The following ITFG1 variants were observed in gnomAD, a reference collection of about 807,000 sequenced individuals.
The protein encoded by ITFG1 is integrin alpha FG-GAP repeat containing 1, also known as T-cell immunomodulatory protein.
In ITFG1, 34 loss-of-function variants were observed where a neutral mutation model predicts 81.8. That is an observed-to-expected ratio of 0.42 (90% confidence interval 0.32 to 0.55). The LOEUF is 0.55. Among genes scored for constraint, ITFG1 ranks in the 20% least tolerant of loss-of-function variants. ITFG1 has a pLI of 0.17. For missense variants in ITFG1, 672 were observed against 755.4 expected (o/e 0.89, Z 1.29); for synonymous variants, 285 against 270.6 (o/e 1.05, Z -0.52).
intron 14 of ITFG1, among the ~76,000 whole-genome samples, chr16:47,169,644 T>C (rs1010879118): frequency 1.3e-5 from 2 of 152,180 alleles, no homozygotes; most frequent in African/African-American, 4.8e-5. Flanking sequence ...AGAAATCATT[T>C]TGCATGTTCC....
intron 10 of ITFG1, among the ~76,000 whole-genome samples, chr16:47,276,022 C>T (rs1966394101): frequency 6.6e-6 from 1 of 151,984 alleles, no homozygotes; most frequent in Admixed American, 6.6e-5. Flanking sequence ...CCAAATAACA[C>T]CATGACTACT....
chr16:47,219,508 T>G (rs1229357930), intron 13 of ITFG1, among the ~76,000 whole-genome samples: 4 of 152,190 alleles, frequency 2.6e-5, no homozygotes, highest in African/African-American at 9.6e-5. Context: ...GGAACATTCC[T>G]CAAACCTTGA....
chr16:47,407,151 A>C (rs1457164274), intron 6 of ITFG1, among the ~76,000 whole-genome samples: 1 of 152,222 alleles, frequency 6.6e-6, no homozygotes, highest in African/African-American at 2.4e-5. Context: ...TTTATAACGG[A>C]TAATGGGAGA....
chr16:47,241,487 C>A (rs780139812), intron 12 of ITFG1, among the ~76,000 whole-genome samples: 1 of 152,132 alleles, frequency 6.6e-6, no homozygotes, highest in South Asian at 2.1e-4. Context: ...AAAGTACTGA[C>A]GCATATTATA....
chr16:47,365,758 CCT>C, intron 8 of ITFG1, 28 bp downstream of exon 8: 8 of 1,098,010 alleles, frequency 7.3e-6, no homozygotes, highest in South Asian at 4.0e-5. Context: ...AAGGCAAAAG[CCT>C]TTTTTTTTTT....
chr16:47,292,134 C>T (rs923068541), intron 10 of ITFG1, among the ~76,000 whole-genome samples: 1 of 152,082 alleles, frequency 6.6e-6, no homozygotes, highest in Non-Finnish European at 1.5e-5. Flanking sequence ...CTGCCTCAGC[C>T]TCCCAAGTTG....
At chr16:47,445,091 A>G (rs1969306452) in intron 5 of ITFG1, among the ~76,000 whole-genome samples, 1 of 149,248 alleles carries the variant, frequency 6.7e-6, no homozygotes, top group Non-Finnish European at 1.5e-5. Flanking sequence ...TGCAAGCTTC[A>G]TGTTAAGAGA....
At chr16:47,260,743 T>C (rs751652515) in intron 10 of ITFG1, 48 bp from the exon 11 acceptor site, 1 of 1,581,540 alleles carries the variant, frequency 6.3e-7, no homozygotes, top group Non-Finnish European at 8.7e-7. Flanking sequence ...ATCAACACTG[T>C]GGCATCGGCT....
chr16:47,298,287 A>T (rs1967015294), intron 10 of ITFG1, among the ~76,000 whole-genome samples: 1 of 152,134 alleles, frequency 6.6e-6, no homozygotes, highest in African/African-American at 2.4e-5. Flanking sequence ...GATTCTTTAC[A>T]ATCAATAATT....
At chr16:47,333,795 T>C (rs1051888063) in intron 8 of ITFG1, among the ~76,000 whole-genome samples, 1 of 152,204 alleles carries the variant, frequency 6.6e-6, no homozygotes, top group Non-Finnish European at 1.5e-5. Context: ...TCTTTTTACC[T>C]TGCTCTTCAA....
chr16:47,389,361 G>T (rs1046319170), intron 6 of ITFG1, among the ~76,000 whole-genome samples: 1 of 152,014 alleles, frequency 6.6e-6, no homozygotes, highest in African/African-American at 2.4e-5. Flanking sequence ...GTATATAATT[G>T]TATCACTAGG....
intron 6 of ITFG1, among the ~76,000 whole-genome samples, chr16:47,428,115 G>A (rs998394450): frequency 7.9e-5 from 12 of 152,264 alleles, no homozygotes; most frequent in South Asian, 2.1e-4. Context: ...TCCAGCCTGC[G>A]GAACAGAGTG....
chr16:47,297,903 G>T lies in ITFG1; in HGVS notation c.1070+13337C>A, dbSNP rs559898013. ...TTTGCAAGACTAGGGAAATTTTAAC[G>T]TAGTATTTCCTTAAATAGGTTTTCC... is the stretch of plus-strand genomic sequence containing the variant. On this transcript the variant is annotated intron_variant, in intron 10 of 17. Coordinates refer to ENST00000320640, the MANE Select transcript of ITFG1 (RefSeq NM_030790.5). Among the ~76,000 whole-genome samples, 4 of 152,136 alleles carry T rather than the reference G, an allele frequency of 2.6e-5. No individual in the cohort carries two copies. In the East Asian group the frequency reaches 7.7e-4, roughly 29 times the overall value.
At chr16:47,248,220 T>C (rs764389407) in intron 12 of ITFG1, among the ~76,000 whole-genome samples, 6 of 152,186 alleles carry the variant, frequency 3.9e-5, no homozygotes, top group Admixed American at 1.3e-4. Context: ...TCAGCTTTCA[T>C]TGCTGCAGCT....
intron 13 of ITFG1, among the ~76,000 whole-genome samples, chr16:47,219,732 A>G (rs927974364): frequency 6.6e-6 from 1 of 152,226 alleles, no homozygotes; most frequent in Non-Finnish European, 1.5e-5. Flanking sequence ...CTGATGCTTT[A>G]AAAATGATTT....
At chr16:47,275,851 G>T (rs1966392636) in intron 10 of ITFG1, among the ~76,000 whole-genome samples, 1 of 151,966 alleles carries the variant, frequency 6.6e-6, no homozygotes, top group Non-Finnish European at 1.5e-5. Context: ...TTTAAAATTT[G>T]TACTTCCTAA....
intron 1 of ITFG1, among the ~76,000 whole-genome samples, chr16:47,460,499 A>G (rs1969517605): frequency 6.6e-6 from 1 of 152,176 alleles, no homozygotes; most frequent in South Asian, 2.1e-4. Context: ...CAAGCTACAA[A>G]GATTCCTAGG....
intron 14 of ITFG1, among the ~76,000 whole-genome samples, chr16:47,199,245 C>T (rs1965394933): frequency 6.8e-6 from 1 of 147,202 alleles, no homozygotes; most frequent in South Asian, 2.2e-4. Context: ...CCAGCCTGGG[C>T]AACAAAGCGA....
intron 2 of ITFG1, 102 bp downstream of exon 2, chr16:47,459,001 C>G: frequency 1.4e-6 from 1 of 725,070 alleles, no homozygotes; most frequent in East Asian, 2.6e-5. Flanking sequence ...GGTTTTGCAT[C>G]CCAACACTAA....
Sources: gnomAD v4.1 joint callset for allele counts (sites outside exome capture counted in the v4.1 genomes callset) on GRCh38, gnomAD v4.1.1 for gene constraint, MANE v1.5 for transcripts, NCBI Gene and HGNC (gene_info 2026-07-23, HGNC 2026-07-21) for gene names.